Variants in NRIP3 observed in about 807,000 individuals in gnomAD.
NRIP3 encodes nuclear receptor interacting protein 3.
A neutral mutation model predicts 29.0 loss-of-function variants in NRIP3; 31 were observed. The ratio of observed to expected loss-of-function variants is 1.07; its 90% CI spans 0.80 to 1.44. NRIP3 has a LOEUF of 1.44. Ranked by LOEUF, NRIP3 falls within the 40% of genes most tolerant of loss-of-function variation. The probability of loss-of-function intolerance (pLI) is 0.00; values close to 1 mark genes in which losing one functional copy is unlikely to be tolerated. For missense variants in NRIP3, 314 were observed against 297.9 expected (o/e 1.05, Z -0.40); for synonymous variants, 131 against 118.3 (o/e 1.11, Z -0.70).
At chr11:8,983,692 T>C in intron 6 of NRIP3, 132 bp from the exon 7 acceptor site, 1 of 923,864 alleles carries the variant, frequency 1.1e-6, no homozygotes, top group Non-Finnish European at 1.7e-6. Context: ...TTGCTCATTC[T>C]GATGTGTGCA....
rs2134903911 is a variant in NRIP3 at position 8,983,414 on chromosome 11, C to T, written c.*131G>A. On this transcript the variant is annotated 3_prime_UTR_variant, in exon 7 of 7. Transcript: ENST00000309166. ...GAGAGGTCTGAATGGGAAGGAGCCC[C>T]TGGAGCTTCTATTAGATGGAAGGAC... 1.3e-6 allele frequency: 1 copy of T among 756,754 alleles called. No homozygotes were observed. The highest frequency in any genetic ancestry group is 2.6e-4 in the Middle Eastern group (1 of 3,798). 46.9% of individuals were successfully genotyped at this position (756,754 alleles called of 1,614,324 possible).
intron 1 of NRIP3, among the ~76,000 whole-genome samples, chr11:9,001,185 T>C (rs992082499): frequency 1.3e-5 from 2 of 152,140 alleles, no homozygotes; most frequent in African/African-American, 4.8e-5. Context: ...GACAAAAATA[T>C]AATTTCCACA....
In NRIP3 at chr11:8,983,335, G is replaced by A. The variant is rs971070808; in HGVS notation, c.*210C>T. On this transcript the variant is annotated 3_prime_UTR_variant, in exon 7 of 7. Coordinates refer to ENST00000309166, the MANE Select transcript of NRIP3 (RefSeq NM_020645.3). ...GTCTATAAGTTAAGTGATCAAAGTA[G>A]TAAAAAACAATGGCCATAACCAGAC... 38 of 591,374 alleles carry A rather than the reference G, an allele frequency of 6.4e-5. No homozygotes were observed. In the African/African-American group the frequency reaches 6.8e-4, roughly 11 times the overall value. The allele number at this position is 591,374 out of a possible 1,614,324, so 36.6% of individuals were successfully genotyped here.
chr11:8,984,273 AT>A, intron 4 of NRIP3, 149 bp from the exon 5 acceptor site: 1 of 499,492 alleles, frequency 2.0e-6, no homozygotes, highest in Non-Finnish European at 3.4e-6. Flanking sequence ...TTTTTTTTTT[AT>A]TTTTTGAGAT....
intron 1 of NRIP3, among the ~76,000 whole-genome samples, chr11:8,998,363 T>C (rs1005986450): frequency 2.0e-5 from 3 of 152,226 alleles, no homozygotes; most frequent in African/African-American, 7.2e-5. Flanking sequence ...CTCATTATTA[T>C]CTGTTTTGTG....
intron 4 of NRIP3, 60 bp from the exon 5 acceptor site, chr11:8,984,184 C>T (rs1195428990): frequency 6.3e-6 from 7 of 1,113,724 alleles, no homozygotes; most frequent in South Asian, 1.2e-5. Context: ...TAGAAGTTGG[C>T]CTAATCACTA....
chr11:8,987,625 A>G lies in NRIP3; in HGVS notation c.345T>C (p.Ala115=). 6.2e-7 allele frequency: 1 copy of G among 1,613,240 alleles called. No homozygotes were observed. The highest frequency in any genetic ancestry group is 1.1e-5 in the South Asian group (1 of 91,054). ...DDMILVSCQC[A]GKDVKALVDT... ...CAACCAAGGCTTTCACATCCTTTCC[A>G]GCACACTGTGGGGAGGAAATGTACT... The change falls in exon 3 of 7, where the codon GCT becomes GCC. Residue 115 remains alanine, a synonymous_variant. Transcript: ENST00000309166.
At chr11:8,999,676 T>G (rs749338404) in intron 1 of NRIP3, among the ~76,000 whole-genome samples, 16 of 152,232 alleles carry the variant, frequency 1.1e-4, no homozygotes, top group Non-Finnish European at 2.1e-4. Flanking sequence ...TTGATCTAGC[T>G]ACACTGGTCC....
At chr11:9,001,149 A>G (rs1367104281) in intron 1 of NRIP3, among the ~76,000 whole-genome samples, 1 of 152,224 alleles carries the variant, frequency 6.6e-6, no homozygotes, top group Admixed American at 6.5e-5. Context: ...ACAATACAAG[A>G]TAAAAGGATA....
Position 8,987,296 on chromosome 11 carries a change from G to C in NRIP3, c.422+252C>G, listed in dbSNP as rs966056567. On this transcript the variant is annotated intron_variant, in intron 3 of 6. Coordinates refer to ENST00000309166, the MANE Select transcript of NRIP3 (RefSeq NM_020645.3). ...TCAGGCTCTCTCATTCAAGTTTAGA[G>C]GTCTTTGCTCAAAACTTAATAGGGG... 2.0e-5 allele frequency among the ~76,000 whole-genome samples: 3 copies of C among 152,102 alleles called. No individual in the cohort carries two copies. The South Asian group carries it at 6.2e-4, about 32-fold the overall frequency.
intron 1 of NRIP3, among the ~76,000 whole-genome samples, chr11:8,989,272 T>C (rs11042150): frequency 0.49 from 74,879 of 152,074 alleles, 19,038 homozygotes; most frequent in Middle Eastern, 0.71. Context: ...CTGGAGAAAT[T>C]TGTATACACA....
chr11:8,987,046 A>G (rs1854531432), intron 3 of NRIP3, among the ~76,000 whole-genome samples: 1 of 152,142 alleles, frequency 6.6e-6, no homozygotes, highest in South Asian at 2.1e-4. Context: ...ACTACTGGCT[A>G]ATTACCCTTA....
chr11:8,983,877 G>T lies in NRIP3; in HGVS notation c.708C>A (p.Asp236Glu). 1 of 1,613,574 alleles carries T rather than the reference G, an allele frequency of 6.2e-7. No homozygotes were observed. Among genetic ancestry groups the T allele is most frequent in the Non-Finnish European group, 8.5e-7 (1 of 1,179,454 alleles). Reference sequence around the variant, plus strand: ...ATCTGACCCATTTGGGCACTCACTTGTCTTCATTCAAAGAGACTGTCTCCA... The same window carrying T: ...ATCTGACCCATTTGGGCACTCACTTTTCTTCATTCAAAGAGACTGTCTCCA... ...PFVETVSLNE[D>E]NTSEA Residue 236 changes from aspartate to glutamate, a missense_variant and splice_region_variant, in exon 6 of 7, where the codon GAC becomes GAA. Transcript: ENST00000309166.
intron 1 of NRIP3, among the ~76,000 whole-genome samples, chr11:8,992,714 G>C (rs1854628593): frequency 6.6e-6 from 1 of 152,006 alleles, no homozygotes; most frequent in African/African-American, 2.4e-5. Flanking sequence ...TTCGAGACCA[G>C]CCTGGCCAAG....
intron 1 of NRIP3, among the ~76,000 whole-genome samples, chr11:8,995,891 C>T (rs1854694036): frequency 1.3e-5 from 2 of 152,204 alleles, no homozygotes; most frequent in Admixed American, 6.5e-5. Context: ...CTCAAAATTT[C>T]TTTCCCATTC....
At chr11:8,996,157 C>T (rs1308619438) in intron 1 of NRIP3, among the ~76,000 whole-genome samples, 4 of 152,024 alleles carry the variant, frequency 2.6e-5, no homozygotes, top group Admixed American at 2.6e-4. Context: ...GCCCTACCAG[C>T]ATGTTAACTG....
chr11:8,999,640 T>A (rs1305803219), intron 1 of NRIP3, among the ~76,000 whole-genome samples: 1 of 152,220 alleles, frequency 6.6e-6, no homozygotes, highest in Non-Finnish European at 1.5e-5. Flanking sequence ...TGATGTTATC[T>A]TCTATCACCC....
intron 1 of NRIP3, among the ~76,000 whole-genome samples, chr11:8,998,355 CATT>C (rs1854743095): frequency 6.6e-6 from 1 of 152,178 alleles, no homozygotes; most frequent in Non-Finnish European, 1.5e-5. Context: ...ACCTATTCCT[CATT>C]ATTATCTGTT....
intron 3 of NRIP3, among the ~76,000 whole-genome samples, chr11:8,986,122 G>A (rs3815991): frequency 0.19 from 28,484 of 152,208 alleles, 2,856 homozygotes; most frequent in East Asian, 0.36. Flanking sequence ...TATATTCAGA[G>A]AATCCTATTC....
Sources: allele counts gnomAD v4.1 joint callset (sites outside exome capture counted in the v4.1 genomes callset), GRCh38; gene constraint gnomAD v4.1.1; transcripts MANE v1.5; gene names NCBI Gene and HGNC (gene_info 2026-07-23, HGNC 2026-07-21).